Variants in CNOT6 observed in about 807,000 individuals in gnomAD.
CNOT6 encodes carbon catabolite repression 4 protein.
A neutral mutation model predicts 61.2 loss-of-function variants in CNOT6; 12 were observed. The observed-to-expected ratio is 0.20, with a 90% CI of 0.13 to 0.32. The LOEUF is 0.32. Ranked by LOEUF, CNOT6 falls within the 10% of genes least tolerant of loss-of-function variation. CNOT6 has a pLI of 1.00. For missense variants in CNOT6, 405 were observed against 663.9 expected, an observed-to-expected ratio of 0.61 and a Z score of 4.28; for synonymous variants, 225 against 240.6, an observed-to-expected ratio of 0.94 and a Z score of 0.60.
At chr5:180,528,053 G>C (rs779026304) in intron 1 of CNOT6, among the ~76,000 whole-genome samples, 1 of 151,516 alleles carries the variant, frequency 6.6e-6, no homozygotes, top group Non-Finnish European at 1.5e-5. Flanking sequence ...ACTGGTCCGT[G>C]GTGCCAAAAA....
At chr5:180,546,720 G>C (rs1481791010) in intron 2 of CNOT6, among the ~76,000 whole-genome samples, 1 of 152,040 alleles carries the variant, frequency 6.6e-6, no homozygotes, top group Non-Finnish European at 1.5e-5. Context: ...ATTTCCATCT[G>C]GTATTTTATT....
chr5:180,569,364 G>A lies in CNOT6; in HGVS notation c.1258+24G>A, dbSNP rs1760629982. 3.4e-6 allele frequency: 5 copies of A among 1,488,672 alleles called. No individual in the cohort carries two copies. In the East Asian group the frequency reaches 9.1e-5, roughly 27 times the overall value. 92.2% of individuals were successfully genotyped at this position (1,488,672 alleles called of 1,614,324 possible). On this transcript the variant is annotated intron_variant, in intron 10 of 11. Transcript: ENST00000261951. The stretch of plus-strand genomic sequence containing the variant: ...TGGTAAGAAAATAATGTGATTTTAT[G>A]TAGAATATTTTTTGACATAAGATGA...
chr5:180,532,004 C>G (rs1452973896), intron 2 of CNOT6, among the ~76,000 whole-genome samples: 2 of 152,182 alleles, frequency 1.3e-5, no homozygotes, highest in African/African-American at 2.4e-5. Context: ...AGAGGGACCC[C>G]TCTTCTGATT....
At chr5:180,559,576 G>A (rs1190068358) in intron 4 of CNOT6, among the ~76,000 whole-genome samples, 1 of 152,158 alleles carries the variant, frequency 6.6e-6, no homozygotes, top group Non-Finnish European at 1.5e-5. Context: ...GGTATATTTA[G>A]ACCATTTACA....
intron 1 of CNOT6, among the ~76,000 whole-genome samples, chr5:180,513,262 T>A (rs1269667866): frequency 6.6e-6 from 1 of 152,286 alleles, no homozygotes; most frequent in East Asian, 1.9e-4. Context: ...CAATCAAGGC[T>A]CACTGCAGCC....
chr5:180,519,409 A>G (rs145975155), intron 1 of CNOT6, among the ~76,000 whole-genome samples: 2 of 152,344 alleles, frequency 1.3e-5, no homozygotes, highest in Non-Finnish European at 2.9e-5. Context: ...GTCATTAACA[A>G]TGTGATAATG....
chr5:180,551,374 G>A (rs1759595385), intron 3 of CNOT6, among the ~76,000 whole-genome samples: 1 of 151,968 alleles, frequency 6.6e-6, no homozygotes, highest in Admixed American at 6.6e-5. Context: ...CTCCCCTCTA[G>A]AAAATAAGAA....
intron 3 of CNOT6, among the ~76,000 whole-genome samples, chr5:180,550,599 A>C (rs2127744493): frequency 6.6e-6 from 1 of 152,334 alleles, no homozygotes; most frequent in South Asian, 2.1e-4. Context: ...TAATAAATTA[A>C]GTAGATCATT....
chr5:180,507,243 AACTT>A (rs1186046574), intron 1 of CNOT6, among the ~76,000 whole-genome samples: 9 of 152,220 alleles, frequency 5.9e-5, no homozygotes, highest in African/African-American at 1.7e-4. Context: ...AGTCAAACTC[AACTT>A]ACTTGTTTTG....
intron 1 of CNOT6, among the ~76,000 whole-genome samples, chr5:180,503,191 A>G (rs1383026107): frequency 6.6e-6 from 1 of 152,146 alleles, no homozygotes; most frequent in Non-Finnish European, 1.5e-5. Context: ...AAATTTAGGC[A>G]TTAAAGATGA....
At chr5:180,516,873 T>G (rs1757660215) in intron 1 of CNOT6, among the ~76,000 whole-genome samples, 1 of 152,202 alleles carries the variant, frequency 6.6e-6, no homozygotes, top group Non-Finnish European at 1.5e-5. Context: ...GATTGCTCCT[T>G]TGGTGTCATT....
rs536000435 is a variant in CNOT6 at position 180,575,367 on chromosome 5, G to A, written c.*1167G>A. ...TCACCAGATCCAAGCACTGCTTCTC[G>A]GTGTCATTGCAGTGTGCTGCTTGTC... On this transcript the variant is annotated 3_prime_UTR_variant, in exon 12 of 12. Coordinates refer to ENST00000261951, the MANE Select transcript of CNOT6 (RefSeq NM_001370472.1). 6.6e-6 allele frequency: 1 copy of A among 151,808 alleles called. No homozygotes were observed. The highest frequency in any genetic ancestry group is 1.9e-4 in the East Asian group (1 of 5,182). 9.4% of individuals were successfully genotyped at this position (151,808 alleles called of 1,614,324 possible).
At chr5:180,518,235 C>G (rs1489383246) in intron 1 of CNOT6, among the ~76,000 whole-genome samples, 2 of 152,270 alleles carry the variant, frequency 1.3e-5, no homozygotes, top group Non-Finnish European at 2.9e-5. Flanking sequence ...TAGCTGGCTT[C>G]TGTATCATGT....
chr5:180,548,033 C>T (rs575412511), intron 2 of CNOT6, among the ~76,000 whole-genome samples: 2 of 152,266 alleles, frequency 1.3e-5, no homozygotes, highest in South Asian at 2.1e-4. Flanking sequence ...CGCATCCTGC[C>T]CTCATTAAGC....
chr5:180,527,167 T>C (rs1173635904), intron 1 of CNOT6, among the ~76,000 whole-genome samples: 1 of 152,244 alleles, frequency 6.6e-6, no homozygotes, highest in Non-Finnish European at 1.5e-5. Context: ...ATCACAATAC[T>C]TGTTTAATAT....
At chr5:180,542,425 C>T (rs1759096619) in intron 2 of CNOT6, among the ~76,000 whole-genome samples, 1 of 152,062 alleles carries the variant, frequency 6.6e-6, no homozygotes, top group South Asian at 2.1e-4. Context: ...CCACCACACC[C>T]AGCTAATTTT....
At chr5:180,538,085 C>T (rs1448735070) in intron 2 of CNOT6, among the ~76,000 whole-genome samples, 2 of 132,804 alleles carry the variant, frequency 1.5e-5, no homozygotes, top group Non-Finnish European at 1.5e-5. Flanking sequence ...GTTGCTCAGG[C>T]TGGAGTGCAG....
At chr5:180,500,058 G>A (rs1233971093) in intron 1 of CNOT6, among the ~76,000 whole-genome samples, 2 of 152,162 alleles carry the variant, frequency 1.3e-5, no homozygotes, top group African/African-American at 2.4e-5. Context: ...TCTCTAATTT[G>A]TGTATCAATC....
In CNOT6 at chr5:180,575,749, C is replaced by T. The variant is rs890704269; in HGVS notation, c.*1549C>T. ...TCTTCTCTCAAAAGTCAAATGAATG[C>T]AGAGGGAGCTTGGTCAAACTGCTTT... On this transcript the variant is annotated 3_prime_UTR_variant, in exon 12 of 12. Coordinates refer to ENST00000261951, the MANE Select transcript of CNOT6 (RefSeq NM_001370472.1). The T allele has an allele frequency of 1.3e-5, 2 of 152,534 alleles. No individual in the cohort carries two copies. The highest frequency in any genetic ancestry group is 4.8e-5 in the African/African-American group (2 of 41,410). 9.4% of individuals were successfully genotyped at this position (152,534 alleles called of 1,614,324 possible). A position where few individuals can be genotyped will look rare whatever the true frequency, so the allele number is the denominator to read the frequency against.
Sources: gnomAD v4.1 joint callset for allele counts (sites outside exome capture counted in the v4.1 genomes callset) on GRCh38, gnomAD v4.1.1 for gene constraint, MANE v1.5 for transcripts, NCBI Gene and HGNC (gene_info 2026-07-23, HGNC 2026-07-21) for gene names.